REPS1: variants seen among roughly 807,000 people sequenced by gnomAD.
REPS1 encodes RALBP1 associated Eps domain containing 1, also known as ralBP1-associated Eps domain-containing protein 1.
A neutral mutation model predicts 100.9 loss-of-function variants in REPS1; 39 were observed. The observed-to-expected ratio is 0.39, with a 90% confidence interval of 0.30 to 0.50. The LOEUF is 0.50. Ranked by LOEUF, REPS1 falls within the 20% of genes least tolerant of loss-of-function variation. The probability of loss-of-function intolerance (pLI) is 0.86; values close to 1 mark genes in which losing one functional copy is unlikely to be tolerated. For missense variants in REPS1, 821 were observed against 968.5 expected (o/e 0.85, Z 2.02); for synonymous variants, 324 against 340.3 (o/e 0.95, Z 0.53).
chr6:138,950,934 T>A (rs1782977787), intron 1 of REPS1: 1 of 152,268 alleles, frequency 6.6e-6, no homozygotes, highest in Admixed American at 6.5e-5. Context: ...CTCACGCCTG[T>A]AATCGCAGCA....
Position 138,911,343 on chromosome 6 carries a change from G to T in REPS1, c.2000C>A (p.Ser667Tyr). The change falls in exon 17 of 20, where the codon TCT becomes TAT. Residue 667 changes from serine to tyrosine, a missense_variant. Coordinates refer to ENST00000450536, the MANE Select transcript of REPS1 (RefSeq NM_001286611.2). Reference sequence around the variant, plus strand: ...ACTATCTGTTTTGGCAACTCGAAGAGAACTTGCAGGATCAGAAGCTTTTTC... The same window carrying T: ...ACTATCTGTTTTGGCAACTCGAAGATAACTTGCAGGATCAGAAGCTTTTTC... Reference protein sequence around the residue: ...PAEKASDPASSLRVAKTDSKT... With the variant: ...PAEKASDPASYLRVAKTDSKT... 6.2e-7 allele frequency: 1 copy of T among 1,613,418 alleles called. No homozygotes were observed. Among genetic ancestry groups the T allele is most frequent in the Non-Finnish European group, 8.5e-7 (1 of 1,179,444 alleles).
intron 1 of REPS1, among the ~76,000 whole-genome samples, chr6:138,982,477 A>G (rs1184809629): frequency 1.3e-5 from 2 of 152,234 alleles, no homozygotes; most frequent in African/African-American, 2.4e-5. Context: ...ACATTTCCCA[A>G]AACAGAAGCT....
At position 138,903,838 on chromosome 6, in the gene REPS1, A is replaced by G. The variant is rs1014907158; in HGVS notation, c.*1226T>C. On this transcript the variant is annotated 3_prime_UTR_variant, in exon 20 of 20. Coordinates refer to ENST00000450536, the MANE Select transcript of REPS1 (RefSeq NM_001286611.2). ...CAGGTAAAAATTGTATTAATCTTGG[A>G]AGCTTGAGGTTGTCAGTTTCCCTTG... 2.0e-5 allele frequency: 3 copies of G among 152,154 alleles called. No homozygotes were observed. The highest frequency in any genetic ancestry group is 7.2e-5 in the African/African-American group (3 of 41,452). The allele number at this position is 152,154 out of a possible 1,614,324, so 9.4% of individuals were successfully genotyped here.
At position 138,945,538 on chromosome 6, in the gene REPS1, T is replaced by C. The variant is rs2039994626; in HGVS notation, c.437A>G (p.His146Arg). The C allele has an allele frequency of 6.2e-7, 1 of 1,611,396 alleles. No homozygotes were observed. The highest frequency in any genetic ancestry group is 8.5e-7 in the Non-Finnish European group (1 of 1,179,172). The change falls in exon 3 of 20, where the codon CAT becomes CGT. Residue 146 changes from histidine (H) to arginine (R), a missense_variant. By Grantham distance (29) the His-to-Arg change is conservative. This residue lies in a region of REPS1 where 757 missense variants were observed against 866.4 expected (regional missense o/e 0.87). Transcript: ENST00000450536. ...AGATGTACGAGGCTGAACCGTATCA[T>C]GGCTTACGGATCCCTTTTTCACTTG... ...RGQVKKGSVSHDTVQPRTSAD... is the reference protein window; with the variant it reads ...RGQVKKGSVSRDTVQPRTSAD...
intron 1 of REPS1, among the ~76,000 whole-genome samples, chr6:138,976,626 ATC>A (rs1228989615): frequency 1.3e-5 from 2 of 152,212 alleles, no homozygotes; most frequent in African/African-American, 4.8e-5. Flanking sequence ...ATATTAAGAT[ATC>A]TGAGTTAAGT....
chr6:138,971,645 A>AG (rs1161076355), intron 1 of REPS1, among the ~76,000 whole-genome samples: 1 of 152,208 alleles, frequency 6.6e-6, no homozygotes, highest in Admixed American at 6.5e-5. Flanking sequence ...GGGAGGGGAA[A>AG]GCAGCAATGT....
chr6:138,917,489 AAT>A, intron 13 of REPS1, 64 bp downstream of exon 13: 7 of 1,236,982 alleles, frequency 5.7e-6, no homozygotes, highest in Non-Finnish European at 8.3e-6. Flanking sequence ...CTTGGTTCTA[AAT>A]AGTTTTAAAC....
intron 1 of REPS1, among the ~76,000 whole-genome samples, chr6:138,963,339 C>T (rs1783843067): frequency 6.6e-6 from 1 of 152,158 alleles, no homozygotes; most frequent in Non-Finnish European, 1.5e-5. Flanking sequence ...TCCGTACCCA[C>T]ATTCCCTTCC....
chr6:138,925,349 A>C (rs1781038254), intron 10 of REPS1, among the ~76,000 whole-genome samples: 1 of 152,210 alleles, frequency 6.6e-6, no homozygotes, highest in African/African-American at 2.4e-5. Flanking sequence ...CCTGGGCGAA[A>C]GAGAGAGGCT....
At chr6:138,938,276 T>A (rs567582225) in intron 8 of REPS1, among the ~76,000 whole-genome samples, 3 of 152,278 alleles carry the variant, frequency 2.0e-5, no homozygotes, top group African/African-American at 7.2e-5. Flanking sequence ...AAAATGCACA[T>A]TTACCCCAAC....
intron 1 of REPS1, among the ~76,000 whole-genome samples, chr6:138,973,338 G>A (rs938726589): frequency 1.3e-5 from 2 of 152,098 alleles, no homozygotes; most frequent in Admixed American, 6.5e-5. Context: ...TTCAGATTTA[G>A]GTAAGTAAGC....
chr6:138,920,184 C>T, intron 12 of REPS1, 31 bp downstream of exon 12: 1 of 1,157,662 alleles, frequency 8.6e-7, no homozygotes, highest in Non-Finnish European at 1.3e-6. Context: ...ACTTAGTAAA[C>T]TTCAAATGGA....
intron 1 of REPS1, among the ~76,000 whole-genome samples, chr6:138,950,627 C>G (rs1782956127): frequency 1.3e-5 from 2 of 152,160 alleles, no homozygotes; most frequent in Non-Finnish European, 2.9e-5. Flanking sequence ...GAGCTGTAAC[C>G]CAGTGTTTTA....
chr6:138,953,741 G>A (rs1328768055), intron 1 of REPS1, among the ~76,000 whole-genome samples: 1 of 151,576 alleles, frequency 6.6e-6, no homozygotes, highest in Non-Finnish European at 1.5e-5. Context: ...TATACTTTTG[G>A]TGGGAATGCA....
At chr6:138,947,087 A>G (rs1422475082) in intron 2 of REPS1, among the ~76,000 whole-genome samples, 1 of 145,428 alleles carries the variant, frequency 6.9e-6, no homozygotes, top group Non-Finnish European at 1.5e-5. Flanking sequence ...CTGTGGCCAC[A>G]TAAGATGTGC....
At chr6:138,946,168 C>A (rs1782600839) in intron 2 of REPS1, among the ~76,000 whole-genome samples, 3 of 152,180 alleles carry the variant, frequency 2.0e-5, no homozygotes, top group Admixed American at 2.0e-4. Flanking sequence ...GATTTTAGAC[C>A]TCTAAGTAAA....
intron 13 of REPS1, among the ~76,000 whole-genome samples, chr6:138,917,254 T>C (rs1437608984): frequency 2.0e-5 from 3 of 152,234 alleles, no homozygotes; most frequent in Non-Finnish European, 4.4e-5. Flanking sequence ...CATAAGGCTA[T>C]ACATGTATTA....
intron 1 of REPS1, among the ~76,000 whole-genome samples, chr6:138,967,106 T>C (rs1318534203): frequency 6.6e-6 from 1 of 152,270 alleles, no homozygotes; most frequent in Non-Finnish European, 1.5e-5. Context: ...TTGGGCCCGC[T>C]CCTGCGCATG....
chr6:138,924,962 AAAAT>A (rs1347636092), intron 10 of REPS1, among the ~76,000 whole-genome samples: 1 of 152,214 alleles, frequency 6.6e-6, no homozygotes, highest in Non-Finnish European at 1.5e-5. Context: ...AATAGACAAT[AAAAT>A]AAACATTTTA....
Sources: allele counts gnomAD v4.1 joint callset (sites outside exome capture counted in the v4.1 genomes callset), GRCh38; gene constraint gnomAD v4.1.1; regional missense constraint gnomAD v4.1.1; transcripts MANE v1.5; gene names NCBI Gene and HGNC (gene_info 2026-07-23, HGNC 2026-07-21).